Variants in MGAT4C observed in about 807,000 individuals in gnomAD.
MGAT4C encodes the protein MGAT4 family member C, also known as alpha-1,3-mannosyl-glycoprotein 4-beta-N-acetylglucosaminyltransferase C.
Under a neutral mutation model 40.1 loss-of-function variants are expected in MGAT4C, and 19 were observed. The observed-to-expected ratio is 0.47, with a 90% CI of 0.33 to 0.70. MGAT4C has a LOEUF of 0.70. Among genes scored for constraint, MGAT4C ranks in the 30% least tolerant of loss-of-function variants. The pLI, the probability that MGAT4C is intolerant of heterozygous loss-of-function variation, is 0.02. For synonymous variants in MGAT4C, 181 were observed against 187.1 expected (o/e 0.97, Z 0.27); for missense variants, 491 against 563.2 (o/e 0.87, Z 1.30).
Position 86,288,066 on chromosome 12 carries a change from G to A in MGAT4C, c.-57+45999C>T, listed in dbSNP as rs150659843. Among the ~76,000 whole-genome samples, 879 of 152,118 alleles carry A rather than the reference G, an allele frequency of 5.8e-3. 6 individuals carry two copies. The highest frequency in any genetic ancestry group is 9.8e-3 in the Admixed American group (150 of 15,286). On this transcript the variant is annotated intron_variant, in intron 4 of 7. Transcript: ENST00000548651. ...TCTAACTGGCATGAGATGGTATCTCGTTGTGGTTTTGATTTGGATTTCTCT... is the reference window on the plus strand; with the variant it reads ...TCTAACTGGCATGAGATGGTATCTCATTGTGGTTTTGATTTGGATTTCTCT...
chr12:86,169,563 A>G (rs1886575122), intron 1 of MGAT4C, among the ~76,000 whole-genome samples: 1 of 152,118 alleles, frequency 6.6e-6, no homozygotes, highest in African/African-American at 2.4e-5. Flanking sequence ...AATTTATTCT[A>G]TATTTTGTTT....
At chr12:86,684,725 T>C (rs1950041376) in intron 2 of MGAT4C, among the ~76,000 whole-genome samples, 1 of 152,214 alleles carries the variant, frequency 6.6e-6, no homozygotes, top group African/African-American at 2.4e-5. Context: ...ATCGCCATTC[T>C]AACTGGCATG....
intron 2 of MGAT4C, among the ~76,000 whole-genome samples, chr12:86,681,804 A>G (rs1949987603): frequency 6.6e-6 from 1 of 152,046 alleles, no homozygotes; most frequent in Admixed American, 6.6e-5. Context: ...CAAACATGAA[A>G]TATCTATTCC....
At chr12:86,736,462 C>T (rs1326588330) in intron 1 of MGAT4C, among the ~76,000 whole-genome samples, 1 of 151,676 alleles carries the variant, frequency 6.6e-6, no homozygotes, top group African/African-American at 2.4e-5. Context: ...TCCTTAAATG[C>T]AACATTGTTT....
At chr12:86,519,212 T>C (rs1213894492) in intron 2 of MGAT4C, among the ~76,000 whole-genome samples, 1 of 152,210 alleles carries the variant, frequency 6.6e-6, no homozygotes, top group Non-Finnish European at 1.5e-5. Context: ...TCCAGTTCTA[T>C]GTTGCTGCAA....
chr12:86,383,563 A>AAC (rs1555181537), intron 3 of MGAT4C, among the ~76,000 whole-genome samples: 1 of 151,006 alleles, frequency 6.6e-6, no homozygotes, highest in Non-Finnish European at 1.5e-5. Flanking sequence ...AAAAAAAAAA[A>AAC]AAAAAAAAAA....
intron 2 of MGAT4C, among the ~76,000 whole-genome samples, chr12:86,438,791 A>G (rs1423988721): frequency 6.6e-6 from 1 of 151,908 alleles, no homozygotes; most frequent in African/African-American, 2.4e-5. Context: ...TATATTCCAC[A>G]CAAATGGAAA....
intron 1 of MGAT4C, among the ~76,000 whole-genome samples, chr12:86,177,851 T>C (rs1887637081): frequency 6.6e-6 from 1 of 152,178 alleles, no homozygotes; most frequent in East Asian, 1.9e-4. Context: ...CAAGATGGGA[T>C]TTATAATTTA....
intron 1 of MGAT4C, among the ~76,000 whole-genome samples, chr12:86,243,660 C>A (rs1752533956): frequency 1.3e-5 from 2 of 152,086 alleles, no homozygotes; most frequent in Admixed American, 1.3e-4. Flanking sequence ...CTACTGATGG[C>A]CATCAGGAAA....
At chr12:86,678,166 C>T in intron 2 of MGAT4C, among the ~76,000 whole-genome samples, 1 of 152,078 alleles carries the variant, frequency 6.6e-6, no homozygotes, top group East Asian at 1.9e-4. Flanking sequence ...AATTTTCACC[C>T]CTCACCAAAG....
chr12:86,070,244 C>T (rs976510160), intron 1 of MGAT4C, among the ~76,000 whole-genome samples: 2 of 151,984 alleles, frequency 1.3e-5, no homozygotes, highest in African/African-American at 4.8e-5. Context: ...TTCTAATATA[C>T]CTGAACTTGA....
At chr12:86,066,657 C>T (rs1258929610) in intron 1 of MGAT4C, among the ~76,000 whole-genome samples, 1 of 152,044 alleles carries the variant, frequency 6.6e-6, no homozygotes, top group African/African-American at 2.4e-5. Flanking sequence ...AGGGCAAAGA[C>T]CTCATGACTA....
At chr12:86,401,623 G>T (rs1956364916) in intron 3 of MGAT4C, among the ~76,000 whole-genome samples, 1 of 152,042 alleles carries the variant, frequency 6.6e-6, no homozygotes, top group African/African-American at 2.4e-5. Flanking sequence ...GAAGTTTTCA[G>T]TTTTTGGTTC....
chr12:86,378,540 C>A (rs1955873064), intron 3 of MGAT4C, among the ~76,000 whole-genome samples: 1 of 152,096 alleles, frequency 6.6e-6, no homozygotes, highest in Admixed American at 6.6e-5. Context: ...ACGATGACTT[C>A]ATTTTAACAT....
At chr12:86,118,282 T>G (rs1363458853) in intron 1 of MGAT4C, among the ~76,000 whole-genome samples, 1 of 152,090 alleles carries the variant, frequency 6.6e-6, no homozygotes, top group Non-Finnish European at 1.5e-5. Flanking sequence ...CAATGACTTG[T>G]CCTATTGTTC....
intron 2 of MGAT4C, among the ~76,000 whole-genome samples, chr12:86,567,797 T>C (rs984343971): frequency 6.6e-6 from 1 of 152,220 alleles, no homozygotes; most frequent in African/African-American, 2.4e-5. Flanking sequence ...TTCCTTATTT[T>C]GTTAAGGACA....
chr12:86,241,445 A>G (rs555092720), intron 1 of MGAT4C, among the ~76,000 whole-genome samples: 6 of 152,282 alleles, frequency 3.9e-5, no homozygotes, highest in African/African-American at 1.4e-4. Context: ...TCCCCTAATT[A>G]CTAACTCTTT....
rs1490123044 is a variant in MGAT4C, at chr12:86,049,722, C to A, written c.-55G>T. 2 of 980,778 alleles carry A rather than the reference C, an allele frequency of 2.0e-6. No individual in the cohort carries two copies. Among genetic ancestry groups the A allele is most frequent in the South Asian group, 4.7e-5 (1 of 21,190 alleles). The allele number at this position is 980,778 out of a possible 1,614,324, so 60.8% of individuals were successfully genotyped here. On this transcript the variant is annotated splice_region_variant and 5_prime_UTR_variant, in exon 2 of 5. Coordinates refer to ENST00000611864, the MANE Select transcript of MGAT4C (RefSeq NM_001351288.2). Reference sequence around the variant, plus strand: ...CTGTGCTGTACAGAAACCGTTGATACCCTGGAAAAAAGAAAGTCTAATATT... The same window carrying A: ...CTGTGCTGTACAGAAACCGTTGATAACCTGGAAAAAAGAAAGTCTAATATT...
intron 1 of MGAT4C, among the ~76,000 whole-genome samples, chr12:86,147,016 G>T (rs1246228470): frequency 6.6e-6 from 1 of 152,206 alleles, no homozygotes; most frequent in East Asian, 1.9e-4. Context: ...AACAACATTG[G>T]ATGGATTCTT....
Sources: allele counts gnomAD v4.1 joint callset (sites outside exome capture counted in the v4.1 genomes callset), GRCh38; gene constraint gnomAD v4.1.1; transcripts MANE v1.5; gene names NCBI Gene and HGNC (gene_info 2026-07-23, HGNC 2026-07-21).